Variants in NRG3 observed in about 807,000 individuals in gnomAD.
NRG3 encodes the protein neuregulin 3, also known as pro-neuregulin-3, membrane-bound isoform.
A neutral mutation model predicts 66.9 loss-of-function variants in NRG3; 31 were observed. The observed-to-expected ratio is 0.46, with a 90% CI of 0.35 to 0.63. The LOEUF (loss-of-function observed/expected upper bound fraction) is 0.63. Among genes scored for constraint, NRG3 ranks in the 20% least tolerant of loss-of-function variants. The probability of loss-of-function intolerance (pLI) is 0.00; values close to 1 mark genes in which losing one functional copy is unlikely to be tolerated. For synonymous variants in NRG3, 393 were observed against 359.4 expected (o/e 1.09, Z -1.06); for missense variants, 910 against 878.9 (o/e 1.04, Z -0.45).
chr10:82,143,232 G>T (rs753621281), intron 1 of NRG3, among the ~76,000 whole-genome samples: 1 of 152,136 alleles, frequency 6.6e-6, no homozygotes, highest in East Asian at 1.9e-4. Context: ...CAAAGCCTAG[G>T]GCAAGGAGTT....
intron 4 of NRG3, among the ~76,000 whole-genome samples, chr10:82,877,947 A>G (rs567412836): frequency 4.4e-4 from 67 of 152,274 alleles, no homozygotes; most frequent in African/African-American, 1.3e-3. Flanking sequence ...AGAGAAATCT[A>G]TTGTAGGCAA....
intron 1 of NRG3, among the ~76,000 whole-genome samples, chr10:82,249,933 T>C (rs2077407566): frequency 6.6e-6 from 1 of 152,190 alleles, no homozygotes; most frequent in Admixed American, 6.5e-5. Context: ...GCTGCAGAAA[T>C]GAATGAGGCC....
At chr10:82,798,818 G>A (rs893479487) in intron 3 of NRG3, among the ~76,000 whole-genome samples, 2 of 152,220 alleles carry the variant, frequency 1.3e-5, no homozygotes, top group African/African-American at 4.8e-5. Context: ...AATGCATTTT[G>A]TAATCTCACA....
chr10:82,012,869 T>C (rs1228966393), intron 1 of NRG3, among the ~76,000 whole-genome samples: 1 of 152,214 alleles, frequency 6.6e-6, no homozygotes, highest in African/African-American at 2.4e-5. Flanking sequence ...TCCATACCAC[T>C]GTCAGCATTT....
At chr10:82,545,094 T>A (rs2043803660) in intron 2 of NRG3, among the ~76,000 whole-genome samples, 1 of 152,156 alleles carries the variant, frequency 6.6e-6, no homozygotes, top group Admixed American at 6.5e-5. Flanking sequence ...AAGAAAGAAC[T>A]AAGTATGACT....
intron 2 of NRG3, among the ~76,000 whole-genome samples, chr10:82,536,071 G>C (rs953688654): frequency 1.3e-5 from 2 of 152,040 alleles, no homozygotes; most frequent in Admixed American, 6.6e-5. Flanking sequence ...TATTTTAGCC[G>C]CTGGGTGTGG....
chr10:82,350,126 A>G (rs541865951), intron 1 of NRG3, among the ~76,000 whole-genome samples: 5 of 152,310 alleles, frequency 3.3e-5, no homozygotes, highest in African/African-American at 1.2e-4. Flanking sequence ...CGAACATGAA[A>G]AAATAAAAAA....
At chr10:82,132,494 T>TATATATGATATATATATCATATATATATC (rs1554831211) in intron 1 of NRG3, among the ~76,000 whole-genome samples, 1 of 44,380 alleles carries the variant, frequency 2.3e-5, no homozygotes, top group African/African-American at 1.1e-4. Context: ...ATATATATGA[T>TATATATGATATATATATCATATATATATC]ATATATATAT....
chr10:82,861,838 C>T (rs541651213), intron 3 of NRG3, among the ~76,000 whole-genome samples: 7 of 152,290 alleles, frequency 4.6e-5, no homozygotes, highest in African/African-American at 1.7e-4. Flanking sequence ...GTACACTTGC[C>T]TCTCCTGGTT....
chr10:82,013,426 G>C (rs530237653), intron 1 of NRG3, among the ~76,000 whole-genome samples: 1 of 152,244 alleles, frequency 6.6e-6, no homozygotes, highest in East Asian at 1.9e-4. Flanking sequence ...TATGGCATAT[G>C]ATGGGAAACT....
At chr10:81,974,293 C>A (rs1175226065) in intron 1 of NRG3, among the ~76,000 whole-genome samples, 2 of 151,798 alleles carry the variant, frequency 1.3e-5, no homozygotes, top group Admixed American at 6.6e-5. Flanking sequence ...CAGTACCATG[C>A]TGAAGAAACA....
intron 2 of NRG3, among the ~76,000 whole-genome samples, chr10:82,727,525 G>T (rs1365824435): frequency 6.6e-6 from 1 of 152,238 alleles, no homozygotes; most frequent in African/African-American, 2.4e-5. Flanking sequence ...CAAAAGTCAA[G>T]AATTGAGGTT....
At chr10:81,989,840 G>C (rs2060668457) in intron 1 of NRG3, among the ~76,000 whole-genome samples, 1 of 152,066 alleles carries the variant, frequency 6.6e-6, no homozygotes, top group African/African-American at 2.4e-5. Flanking sequence ...TGTGTCTGCA[G>C]AAGCTGGACT....
At chr10:82,310,436 A>G (rs2080962935) in intron 1 of NRG3, among the ~76,000 whole-genome samples, 1 of 152,246 alleles carries the variant, frequency 6.6e-6, no homozygotes, top group African/African-American at 2.4e-5. Flanking sequence ...ATAATTCTCT[A>G]CAACATAAAA....
chr10:82,159,885 A>T (rs1225904653), intron 1 of NRG3, among the ~76,000 whole-genome samples: 1 of 151,954 alleles, frequency 6.6e-6, no homozygotes, highest in Non-Finnish European at 1.5e-5. Context: ...CTATGTGTGG[A>T]TGCTGTCAGA....
intron 1 of NRG3, among the ~76,000 whole-genome samples, chr10:81,917,223 C>T (rs997416570): frequency 1.3e-5 from 2 of 152,184 alleles, no homozygotes; most frequent in Non-Finnish European, 2.9e-5. Flanking sequence ...TCAGAGGCCA[C>T]TTTCTATAAA....
chr10:82,405,091 T>G (rs1273300077), intron 2 of NRG3, among the ~76,000 whole-genome samples: 1 of 152,024 alleles, frequency 6.6e-6, no homozygotes, highest in East Asian at 1.9e-4. Flanking sequence ...CAAAGGAAAT[T>G]GGGATGGTGT....
chr10:82,383,486 G>T (rs553682139), intron 2 of NRG3, among the ~76,000 whole-genome samples: 1 of 151,856 alleles, frequency 6.6e-6, no homozygotes, highest in Non-Finnish European at 1.5e-5. Flanking sequence ...GGTTAAATTA[G>T]GTTACATGTT....
intron 1 of NRG3, among the ~76,000 whole-genome samples, chr10:82,251,618 C>G (rs1161172567): frequency 6.6e-6 from 1 of 152,098 alleles, no homozygotes; most frequent in Non-Finnish European, 1.5e-5. Context: ...CCTGACCACC[C>G]AGCAGATAAC....
Sources: gnomAD v4.1 joint callset for allele counts (sites outside exome capture counted in the v4.1 genomes callset) on GRCh38, gnomAD v4.1.1 for gene constraint, MANE v1.5 for transcripts, NCBI Gene and HGNC (gene_info 2026-07-23, HGNC 2026-07-21) for gene names.